CFAP299: variants seen among roughly 807,000 people sequenced by gnomAD.
CFAP299 encodes the protein cilia- and flagella-associated protein 299.
CFAP299 carries 21 observed loss-of-function variants against 27.0 expected under a neutral mutation model. The ratio of observed to expected loss-of-function variants is 0.78; its 90% CI spans 0.55 to 1.12. The LOEUF (loss-of-function observed/expected upper bound fraction) is 1.12, where lower values mean the gene tolerates loss of function less well. CFAP299 is among the 50% of genes most tolerant of loss of function. CFAP299 has a pLI of 0.00. For synonymous variants in CFAP299, 104 were observed against 98.1 expected, an observed-to-expected ratio of 1.06 and a Z score of -0.36; for missense variants, 310 against 276.6, an observed-to-expected ratio of 1.12 and a Z score of -0.86.
intron 3 of CFAP299, among the ~76,000 whole-genome samples, chr4:80,727,559 GGCC>G (rs1251360667): frequency 6.6e-6 from 1 of 152,040 alleles, no homozygotes; most frequent in Non-Finnish European, 1.5e-5. Flanking sequence ...GTGGAGCCAT[GGCC>G]CTTGGGTTCC....
chr4:80,465,026 T>A (rs1729635119), intron 2 of CFAP299, among the ~76,000 whole-genome samples: 1 of 152,160 alleles, frequency 6.6e-6, no homozygotes, highest in Non-Finnish European at 1.5e-5. Flanking sequence ...AAGGAATTAA[T>A]CAAATTTTAG....
intron 3 of CFAP299, among the ~76,000 whole-genome samples, chr4:80,609,450 G>A (rs537357889): frequency 6.6e-6 from 1 of 152,026 alleles, no homozygotes; most frequent in Non-Finnish European, 1.5e-5. Flanking sequence ...ATGTTTCAAG[G>A]TTGGTTTATA....
intron 2 of CFAP299, among the ~76,000 whole-genome samples, chr4:80,390,294 C>A (rs1342223716): frequency 6.6e-6 from 1 of 151,766 alleles, no homozygotes; most frequent in Non-Finnish European, 1.5e-5. Flanking sequence ...ACCCCCCAAC[C>A]CCCTGGCAAC....
intron 1 of CFAP299, among the ~76,000 whole-genome samples, chr4:80,351,027 A>G (rs781225557): frequency 3.9e-5 from 6 of 152,224 alleles, no homozygotes; most frequent in Non-Finnish European, 7.3e-5. Flanking sequence ...AAGATTTGAA[A>G]AAAGTCAACC....
intron 3 of CFAP299, among the ~76,000 whole-genome samples, chr4:80,605,139 G>C (rs759403637): frequency 2.0e-5 from 3 of 152,144 alleles, no homozygotes; most frequent in Non-Finnish European, 4.4e-5. Flanking sequence ...CCTCAAAAGA[G>C]AAATGGTTAT....
At position 80,899,453 on chromosome 4, in the gene CFAP299, G is replaced by A. The variant is rs111645328; in HGVS notation, c.476+29318G>A. Among the ~76,000 whole-genome samples the A allele has an allele frequency of 2.0e-5, 3 of 152,266 alleles. 1 individual carries two copies. Among genetic ancestry groups the A allele is most frequent in the African/African-American group, 7.2e-5 (3 of 41,560 alleles). On this transcript the variant is annotated intron_variant, in intron 4 of 5. Transcript: ENST00000358105. Reference sequence around the variant, plus strand: ...GGAAAAGAACCCAGAAAATGAATCTGAGAAGGAAGGTACAGCAGCATAAAA... The same window carrying A: ...GGAAAAGAACCCAGAAAATGAATCTAAGAAGGAAGGTACAGCAGCATAAAA...
chr4:80,858,783 A>T (rs1244562910), intron 3 of CFAP299, among the ~76,000 whole-genome samples: 1 of 152,080 alleles, frequency 6.6e-6, no homozygotes, highest in East Asian at 1.9e-4. Context: ...ATAGTTTGTT[A>T]TAATTTCTGT....
chr4:80,772,316 G>T (rs1002709844), intron 3 of CFAP299, among the ~76,000 whole-genome samples: 7 of 152,066 alleles, frequency 4.6e-5, no homozygotes, highest in African/African-American at 1.7e-4. Context: ...GTGTGGTGCA[G>T]GTCTCTTATC....
Position 80,895,782 on chromosome 4 carries a change from G to T in CFAP299, c.476+25647G>T, listed in dbSNP as rs371736604. On this transcript the variant is annotated intron_variant, in intron 4 of 5. Coordinates refer to ENST00000358105, the MANE Select transcript of CFAP299 (RefSeq NM_152770.3). The stretch of plus-strand genomic sequence containing the variant: ...AAGCAGCTGTGCAGAACTGTGGAAG[G>T]CAGTGGTAAGGAAAAACTACTATTA... 2.5e-4 allele frequency among the ~76,000 whole-genome samples: 38 copies of T among 152,098 alleles called. No homozygotes were observed. The East Asian group carries it at 4.6e-3, about 19-fold the overall frequency.
intron 4 of CFAP299, among the ~76,000 whole-genome samples, chr4:80,873,740 T>C (rs1481830616): frequency 6.6e-6 from 1 of 152,234 alleles, no homozygotes; most frequent in Non-Finnish European, 1.5e-5. Context: ...TAGAATCACT[T>C]ATAAGCTCCG....
At chr4:80,855,468 CAT>C (rs1052720822) in intron 3 of CFAP299, among the ~76,000 whole-genome samples, 2 of 152,030 alleles carry the variant, frequency 1.3e-5, no homozygotes, top group Non-Finnish European at 2.9e-5. Context: ...AGGTTAGTTA[CAT>C]ATGTATACAT....
chr4:80,602,041 C>G (rs1393640434), intron 3 of CFAP299, among the ~76,000 whole-genome samples: 1 of 152,074 alleles, frequency 6.6e-6, no homozygotes, highest in Non-Finnish European at 1.5e-5. Flanking sequence ...AGGGGAACAA[C>G]ACATACTGGG....
intron 3 of CFAP299, among the ~76,000 whole-genome samples, chr4:80,771,160 A>G (rs976822549): frequency 6.6e-6 from 1 of 152,088 alleles, no homozygotes; most frequent in Non-Finnish European, 1.5e-5. Context: ...CCACAATCCA[A>G]TCCAGATCTC....
chr4:80,498,875 C>A (rs1971301), intron 2 of CFAP299, among the ~76,000 whole-genome samples: 58,504 of 152,010 alleles, frequency 0.38, 14,634 homozygotes, highest in African/African-American at 0.71. Context: ...CAGAATAAGG[C>A]AAATGTGGTA....
At chr4:80,560,354 G>C (rs1734979310) in intron 2 of CFAP299, among the ~76,000 whole-genome samples, 1 of 152,070 alleles carries the variant, frequency 6.6e-6, no homozygotes, top group African/African-American at 2.4e-5. Context: ...CTCTAGACTT[G>C]CTGGCTTCAG....
chr4:80,581,112 T>G (rs1736140096), intron 2 of CFAP299, among the ~76,000 whole-genome samples: 1 of 151,746 alleles, frequency 6.6e-6, no homozygotes, highest in African/African-American at 2.4e-5. Context: ...CTGTTCAAAT[T>G]TCACAGAGAA....
chr4:80,570,135 A>G (rs879044737), intron 2 of CFAP299, among the ~76,000 whole-genome samples: 1 of 152,102 alleles, frequency 6.6e-6, no homozygotes. Context: ...ATGTATATAT[A>G]AATATTTGAT....
intron 4 of CFAP299, chr4:80,870,528 A>C (rs989863283): frequency 2.0e-6 from 2 of 990,070 alleles, no homozygotes; most frequent in African/African-American, 3.5e-5. Flanking sequence ...GCCCCTGATC[A>C]GCTCACCCTC....
intron 3 of CFAP299, among the ~76,000 whole-genome samples, chr4:80,736,896 A>G (rs1723922036): frequency 6.6e-6 from 1 of 152,178 alleles, no homozygotes; most frequent in African/African-American, 2.4e-5. Context: ...CACAATAGCA[A>G]AGACTTGGAA....
Sources: gnomAD v4.1 joint callset for allele counts (sites outside exome capture counted in the v4.1 genomes callset) on GRCh38, gnomAD v4.1.1 for gene constraint, MANE v1.5 for transcripts, NCBI Gene and HGNC (gene_info 2026-07-23, HGNC 2026-07-21) for gene names.